CFAP77: variants seen among roughly 807,000 people sequenced by gnomAD.
CFAP77 encodes the protein cilia- and flagella-associated protein 77.
A neutral mutation model predicts 31.1 loss-of-function variants in CFAP77; 25 were observed. That is an observed-to-expected ratio of 0.80 (90% confidence interval 0.59 to 1.12). The LOEUF is 1.12. Ranked by LOEUF, CFAP77 falls within the 50% of genes most tolerant of loss-of-function variation. The pLI, the probability that CFAP77 is intolerant of heterozygous loss-of-function variation, is 0.00. For synonymous variants in CFAP77, 151 were observed against 159.9 expected (o/e 0.94, Z 0.42); for missense variants, 377 against 397.3 (o/e 0.95, Z 0.44).
rs1458742615 is a variant in CFAP77 at position 132,481,703 on chromosome 9, G to A, written c.196-16992G>A. On this transcript the variant is annotated intron_variant, in intron 1 of 5. Transcript: ENST00000393216. The surrounding 1 kb of genome is among the most constrained non-coding windows in gnomAD (Gnocchi z 5.0). Reference sequence around the variant, plus strand: ...CTTTGTGCTGAAATGAAGAGCCGCCGCTTCCTCTCCCAGCCGACCCCAGCC... The same window carrying A: ...CTTTGTGCTGAAATGAAGAGCCGCCACTTCCTCTCCCAGCCGACCCCAGCC... Among the ~76,000 whole-genome samples, 1 of 152,152 alleles carries A rather than the reference G, an allele frequency of 6.6e-6. No individual in the cohort carries two copies. Among genetic ancestry groups the A allele is most frequent in the South Asian group, 2.1e-4 (1 of 4,818 alleles).
intron 1 of CFAP77, among the ~76,000 whole-genome samples, chr9:132,486,090 A>ATTTTTTTTT (rs1178281920): frequency 6.5e-5 from 1 of 15,356 alleles, no homozygotes; most frequent in African/African-American, 4.3e-4. Flanking sequence ...ATATATATAT[A>ATTTTTTTTT]TTTTTTTTTT....
intron 1 of CFAP77, among the ~76,000 whole-genome samples, chr9:132,445,099 G>A (rs1000265277): frequency 3.3e-5 from 5 of 150,902 alleles, no homozygotes; most frequent in Admixed American, 6.6e-5. Flanking sequence ...TCAGCCTCCC[G>A]AGTAGCTGGG....
intron 1 of CFAP77, among the ~76,000 whole-genome samples, chr9:132,425,180 T>C (rs182523150): frequency 1.3e-5 from 2 of 152,326 alleles, no homozygotes; most frequent in Admixed American, 6.5e-5. Context: ...ATCTGGGCTA[T>C]TGAATTGCAC....
At position 132,424,182 on chromosome 9, in the gene CFAP77, C is replaced by T. The variant is rs902170198; in HGVS notation, c.195+13716C>T. On this transcript the variant is annotated intron_variant, in intron 1 of 5. Coordinates refer to ENST00000393216, the MANE Select transcript of CFAP77 (RefSeq NM_001282957.2). The surrounding 1 kb of genome is among the most constrained non-coding windows in gnomAD (Gnocchi z 4.1). ...CAGCACTTTGGGAGGCAGAGGCAGG[C>T]AGATCATGAGGTCAGGAGATGGAGA... Among the ~76,000 whole-genome samples, 1 of 152,086 alleles carries T rather than the reference C, an allele frequency of 6.6e-6. No homozygotes were observed. The highest frequency in any genetic ancestry group is 2.4e-5 in the African/African-American group (1 of 41,406).
intron 3 of CFAP77, among the ~76,000 whole-genome samples, chr9:132,503,296 G>A (rs949734333): frequency 2.0e-5 from 3 of 152,224 alleles, no homozygotes; most frequent in African/African-American, 7.2e-5. Context: ...GTTCTCGCAG[G>A]CTGCCTGGGG....
In CFAP77 at chr9:132,499,511, T is replaced by A. The variant is rs562350; in HGVS notation, c.435T>A (p.Asn145Lys). Residue 145 changes from asparagine (N) to lysine (K), a missense_variant, in exon 3 of 6, where the codon AAT becomes AAA. Physicochemically the swap from Asn to Lys is moderately conservative, Grantham distance 94 (BLOSUM62 0). Transcript: ENST00000393216. The surrounding 1 kb of genome is among the most constrained non-coding windows in gnomAD (Gnocchi z 5.4). ...AGAACTTGCTCTACCGTCAGCTCAA[T>A]GACATCCGCATCAGTGACCAGGATG... ...ARENLLYRQL[N>K]DIRISDQDDR... The A allele has an allele frequency of 6.2e-7, 1 of 1,613,972 alleles. No homozygotes were observed. Among genetic ancestry groups the A allele is most frequent in the Non-Finnish European group, 8.5e-7 (1 of 1,179,970 alleles).
chr9:132,524,680 G>A (rs113106095), intron 3 of CFAP77, among the ~76,000 whole-genome samples: 5 of 151,756 alleles, frequency 3.3e-5, no homozygotes, highest in Non-Finnish European at 5.9e-5. Flanking sequence ...GCAGAGTCTC[G>A]CTCTGTCGCC....
At chr9:132,458,393 C>A (rs913060465) in intron 1 of CFAP77, among the ~76,000 whole-genome samples, 1 of 151,630 alleles carries the variant, frequency 6.6e-6, no homozygotes, top group Non-Finnish European at 1.5e-5. Context: ...CCCACTTTCC[C>A]GCATCTTCTT....
rs982951121 is a variant in CFAP77 at position 132,469,834 on chromosome 9, C to T, written c.196-28861C>T. On this transcript the variant is annotated intron_variant, in intron 1 of 5. Transcript: ENST00000393216. ...CTTATTCAGACTCTGCCAGTTGCTC[C>T]GTGATTTTTTTTTTTTTTTTTTGAG... Among the ~76,000 whole-genome samples the T allele has an allele frequency of 7.2e-5, 10 of 138,058 alleles. No individual in the cohort carries two copies. The South Asian group carries it at 1.1e-3, about 15-fold the overall frequency. 90.6% of individuals were successfully genotyped at this position (138,058 alleles called of 152,430 possible).
chr9:132,525,915 G>A (rs1006262321), intron 3 of CFAP77, among the ~76,000 whole-genome samples: 1 of 152,162 alleles, frequency 6.6e-6, no homozygotes, highest in Non-Finnish European at 1.5e-5. Flanking sequence ...TTTCGTTGCT[G>A]AGTGGTATTC....
chr9:132,531,077 C>G (rs1852438684), intron 3 of CFAP77, among the ~76,000 whole-genome samples: 1 of 152,180 alleles, frequency 6.6e-6, no homozygotes, highest in Admixed American at 6.6e-5. Flanking sequence ...AATCTCCCTC[C>G]ATTTGCTTCT....
At chr9:132,439,441 G>A (rs1226690554) in intron 1 of CFAP77, among the ~76,000 whole-genome samples, 2 of 151,850 alleles carry the variant, frequency 1.3e-5, no homozygotes, top group African/African-American at 2.4e-5. Context: ...GTCACTCCCC[G>A]CTCTGAGCCC....
chr9:132,482,351 T>C (rs760850181), intron 1 of CFAP77: 12 of 1,614,028 alleles, frequency 7.4e-6, no homozygotes, highest in Non-Finnish European at 9.3e-6. Flanking sequence ...ATTCTGTTTA[T>C]GACTCCTCAG....
chr9:132,459,072 ATTT>A (rs1158796525), intron 1 of CFAP77, among the ~76,000 whole-genome samples: 4 of 104,434 alleles, frequency 3.8e-5, no homozygotes, highest in Admixed American at 1.2e-4. Context: ...CCCTGAAACT[ATTT>A]TTTTTTTTTT....
intron 1 of CFAP77, among the ~76,000 whole-genome samples, chr9:132,491,460 TC>T (rs1246574904): frequency 6.6e-6 from 1 of 152,134 alleles, no homozygotes; most frequent in Non-Finnish European, 1.5e-5. Context: ...AGAGCGAAAC[TC>T]CATCTCAAAA....
At chr9:132,453,681 A>G (rs995093664) in intron 1 of CFAP77, among the ~76,000 whole-genome samples, 6 of 152,226 alleles carry the variant, frequency 3.9e-5, no homozygotes, top group Non-Finnish European at 7.3e-5. Flanking sequence ...GGCTGGAGCC[A>G]GGGGCACCAG....
At chr9:132,459,970 G>A (rs992609519) in intron 1 of CFAP77, among the ~76,000 whole-genome samples, 5 of 152,122 alleles carry the variant, frequency 3.3e-5, no homozygotes, top group Admixed American at 2.0e-4. Flanking sequence ...GAGCGTGTGC[G>A]TGTATACTTC....
At chr9:132,460,471 C>T (rs143631814) in intron 1 of CFAP77, among the ~76,000 whole-genome samples, 13 of 152,266 alleles carry the variant, frequency 8.5e-5, no homozygotes, top group African/African-American at 2.9e-4. Context: ...ACAGCATGGA[C>T]AAACCTTGAA....
chr9:132,525,938 G>A (rs1852351910), intron 3 of CFAP77, among the ~76,000 whole-genome samples: 1 of 152,182 alleles, frequency 6.6e-6, no homozygotes, highest in Non-Finnish European at 1.5e-5. Context: ...TGGTATGGAT[G>A]GAATTGGATG....
Sources: allele counts gnomAD v4.1 joint callset (sites outside exome capture counted in the v4.1 genomes callset), GRCh38; gene constraint gnomAD v4.1.1; non-coding constraint Gnocchi (gnomAD v3.1); transcripts MANE v1.5; gene names NCBI Gene and HGNC (gene_info 2026-07-23, HGNC 2026-07-21).